The following ANK3 variants were observed in gnomAD, a reference collection of about 807,000 sequenced individuals.
ANK3 encodes the protein ankyrin 3, also known as ankyrin-3.
ANK3 carries 57 observed loss-of-function variants against 370.9 expected under a neutral mutation model. The observed-to-expected ratio is 0.15, with a 90% CI of 0.12 to 0.19. The LOEUF is 0.19. ANK3 is among the 10% of genes least tolerant of loss of function. The pLI, the probability that ANK3 is intolerant of heterozygous loss-of-function variation, is 1.00. For synonymous variants in ANK3, 1,929 were observed against 1,946.3 expected, an observed-to-expected ratio of 0.99 and a Z score of 0.23; for missense variants, 4,439 against 5,302.1, an observed-to-expected ratio of 0.84 and a Z score of 5.06.
At chr10:60,652,936 C>G (rs1445890406) in intron 1 of ANK3, among the ~76,000 whole-genome samples, 1 of 152,144 alleles carries the variant, frequency 6.6e-6, no homozygotes, top group Admixed American at 6.6e-5. Context: ...CCAAACACCA[C>G]TCACGATGGT....
At chr10:60,092,562 C>T (rs1005458012) in intron 28 of ANK3, among the ~76,000 whole-genome samples, 3 of 152,052 alleles carry the variant, frequency 2.0e-5, no homozygotes, top group African/African-American at 7.3e-5. Context: ...ACATTGATTT[C>T]CCAAATGGAA....
At chr10:60,677,502 A>T (rs1366788723) in intron 1 of ANK3, among the ~76,000 whole-genome samples, 2 of 152,140 alleles carry the variant, frequency 1.3e-5, no homozygotes, top group African/African-American at 4.8e-5. Context: ...TTTTAAAAAA[A>T]CTGATTTTAA....
At chr10:60,533,984 C>T (rs1293939590) in intron 2 of ANK3, among the ~76,000 whole-genome samples, 1 of 152,026 alleles carries the variant, frequency 6.6e-6, no homozygotes, top group Non-Finnish European at 1.5e-5. Flanking sequence ...CTTTCCTCTG[C>T]TTCTTCTTCC....
In ANK3 at chr10:60,213,498, G is replaced by GC. The variant is rs1456385751; in HGVS notation, c.909_910insG (p.Pro304AlafsTer19). 1.9e-6 allele frequency: 3 copies of GC among 1,602,584 alleles called. No homozygotes were observed. The highest frequency in any genetic ancestry group is 2.2e-5 in the South Asian group (2 of 89,328). On this transcript the variant is annotated frameshift_variant, in exon 9 of 44. Coordinates refer to ENST00000280772, the MANE Select transcript of ANK3 (RefSeq NM_020987.5). LOFTEE classifies it high-confidence loss of function. ...CCACTCCTTGCTCCACAGTGCAGTG[G>GC]TGTCAGACCATCCTGTTGAACAAAG...
chr10:60,384,525 C>A (rs1289947856), intron 1 of ANK3, among the ~76,000 whole-genome samples: 1 of 152,210 alleles, frequency 6.6e-6, no homozygotes, highest in Non-Finnish European at 1.5e-5. Context: ...GTTAAGAGCA[C>A]AAGCTAGAGA....
intron 1 of ANK3, among the ~76,000 whole-genome samples, chr10:60,291,530 G>C (rs1357378957): frequency 1.3e-5 from 2 of 152,038 alleles, no homozygotes. Flanking sequence ...GATTTGACTA[G>C]ATGACAAGCA....
Position 60,080,524 on chromosome 10 carries a change from T to A in ANK3, c.4432+13A>T. 3 of 1,607,902 alleles carry A rather than the reference T, an allele frequency of 1.9e-6. No individual in the cohort carries two copies. The highest frequency in any genetic ancestry group is 1.7e-4 in the Middle Eastern group (1 of 6,044). ...AAATCCACGTAGATTAGTAAATGTG[T>A]TAGGAAACTCACTCATTCCAGGCTC... On this transcript the variant is annotated intron_variant, in intron 36 of 43. Coordinates refer to ENST00000280772, the MANE Select transcript of ANK3 (RefSeq NM_020987.5).
intron 12 of ANK3, 71 bp from the exon 13 acceptor site, chr10:60,200,298 G>T: frequency 8.3e-7 from 1 of 1,205,872 alleles, no homozygotes; most frequent in Non-Finnish European, 1.2e-6. Context: ...TTGGCATAAA[G>T]CTTATGATGG....
chr10:60,098,173 C>T (rs1403676551), intron 28 of ANK3, among the ~76,000 whole-genome samples: 1 of 152,096 alleles, frequency 6.6e-6, no homozygotes, highest in South Asian at 2.1e-4. Context: ...GAAAACCACC[C>T]AGCACAATTC....
chr10:60,435,922 C>T lies in ANK3; in HGVS notation c.97-156283G>A, dbSNP rs1296795331. The stretch of plus-strand genomic sequence containing the variant: ...AGACCGCGGTGAAACCCCGTCTCTA[C>T]TAAAAATACAAAAAATTAGCCGGGC... On this transcript the variant is annotated intron_variant, in intron 2 of 43. Coordinates refer to the ANK3 transcript ENST00000373827. Among the ~76,000 whole-genome samples the T allele has an allele frequency of 5.3e-5, 8 of 152,048 alleles. No homozygotes were observed. The East Asian group carries it at 1.3e-3, about 26-fold the overall frequency.
chr10:60,124,557 T>C (rs553685744), intron 25 of ANK3, among the ~76,000 whole-genome samples: 2 of 152,360 alleles, frequency 1.3e-5, no homozygotes, highest in African/African-American at 2.4e-5. Context: ...ATATTTAGGA[T>C]AGCATATCCT....
At chr10:60,335,281 C>A (rs2052546074) in intron 1 of ANK3, among the ~76,000 whole-genome samples, 1 of 151,930 alleles carries the variant, frequency 6.6e-6, no homozygotes, top group African/African-American at 2.4e-5. Flanking sequence ...CACATTCAAT[C>A]TCCAAGCAGC....
chr10:60,699,008 C>G (rs2079509710), intron 1 of ANK3, among the ~76,000 whole-genome samples: 2 of 151,332 alleles, frequency 1.3e-5, no homozygotes, highest in African/African-American at 4.9e-5. Context: ...GACTATAATT[C>G]TAAGTGAAGT....
intron 2 of ANK3, among the ~76,000 whole-genome samples, chr10:60,410,492 C>T (rs148884508): frequency 2.6e-5 from 4 of 151,998 alleles, no homozygotes; most frequent in African/African-American, 7.3e-5. Context: ...AGAAGGAAGA[C>T]GTAACCAAAA....
intron 28 of ANK3, among the ~76,000 whole-genome samples, chr10:60,105,669 G>A (rs1776915752): frequency 2.6e-5 from 4 of 152,158 alleles, no homozygotes; most frequent in Admixed American, 2.0e-4. Flanking sequence ...ATTGATGTAT[G>A]TGATTAAAGA....
chr10:60,721,017 A>G (rs2079855789), intron 1 of ANK3, among the ~76,000 whole-genome samples: 1 of 152,250 alleles, frequency 6.6e-6, no homozygotes, highest in Non-Finnish European at 1.5e-5. Context: ...ACTGAGCACC[A>G]GATGTGCTAG....
At chr10:60,424,657 A>T (rs2063842982) in intron 2 of ANK3, among the ~76,000 whole-genome samples, 1 of 152,090 alleles carries the variant, frequency 6.6e-6, no homozygotes, top group African/African-American at 2.4e-5. Flanking sequence ...GATACATTGT[A>T]GTGTGGCAGT....
intron 42 of ANK3, chr10:60,051,440 G>C (rs2077970989): frequency 1.1e-6 from 1 of 932,772 alleles, no homozygotes; most frequent in African/African-American, 1.8e-5. Context: ...TCTAATAGTA[G>C]AGCAATGCCA....
intron 39 of ANK3, 131 bp downstream of exon 39, chr10:60,064,026 T>C (rs1589443746): frequency 1.2e-6 from 1 of 828,952 alleles, no homozygotes; most frequent in Non-Finnish European, 1.7e-6. Flanking sequence ...TATTACCTCA[T>C]GATCACTTAG....
Sources: gnomAD v4.1 joint callset for allele counts (sites outside exome capture counted in the v4.1 genomes callset) on GRCh38, gnomAD v4.1.1 for gene constraint, MANE v1.5 for transcripts, NCBI Gene and HGNC (gene_info 2026-07-23, HGNC 2026-07-21) for gene names.